Variants in ITGA11 observed in about 807,000 individuals in gnomAD.
ITGA11 encodes the protein integrin alpha-11.
In ITGA11, 97 loss-of-function variants were observed where a neutral mutation model predicts 141.9. The observed-to-expected ratio is 0.68, with a 90% CI of 0.58 to 0.81. The LOEUF (loss-of-function observed/expected upper bound fraction) is 0.81, where lower values mean the gene tolerates loss of function less well. ITGA11 is among the 30% of genes least tolerant of loss of function. The probability of loss-of-function intolerance (pLI) is 0.00; values close to 1 mark genes in which losing one functional copy is unlikely to be tolerated. For missense variants in ITGA11, 1,387 were observed against 1,559.2 expected (o/e 0.89, Z 1.86); for synonymous variants, 658 against 624.6 (o/e 1.05, Z -0.80).
chr15:68,349,235 G>A (rs1894832640), intron 9 of ITGA11, among the ~76,000 whole-genome samples: 1 of 152,226 alleles, frequency 6.6e-6, no homozygotes, highest in African/African-American at 2.4e-5. Flanking sequence ...AAGCAAAAGT[G>A]CACAGAAATA....
chr15:68,428,608 G>A (rs1289687426), intron 1 of ITGA11, among the ~76,000 whole-genome samples: 2 of 152,230 alleles, frequency 1.3e-5, no homozygotes, highest in Non-Finnish European at 2.9e-5. Context: ...GGGCAATGGG[G>A]TGGCAAAGTG....
At chr15:68,332,158 A>C in intron 13 of ITGA11, 96 bp from the exon 14 acceptor site, 1 of 1,260,864 alleles carries the variant, frequency 7.9e-7, no homozygotes, top group Non-Finnish European at 1.1e-6. Context: ...TCCTCTCACC[A>C]CTCCATTCCC....
chr15:68,408,619 G>A (rs1376692826), intron 1 of ITGA11, among the ~76,000 whole-genome samples: 8 of 152,132 alleles, frequency 5.3e-5, no homozygotes, highest in Non-Finnish European at 1.2e-4. Flanking sequence ...CCTGTGGGCT[G>A]GGTGCTCAGG....
Position 68,339,661 on chromosome 15 carries a change from GACAC to G in ITGA11, c.1132-21_1132-18del, listed in dbSNP as rs1894500232. On this transcript the variant is annotated intron_variant, in intron 10 of 29. Coordinates refer to ENST00000315757, the MANE Select transcript of ITGA11 (RefSeq NM_001004439.2). ...AACCCCATCCTGGCATTGGGGAGGGGACACACATCAGCACCTGTCCTCATGGGCC... is the reference window on the plus strand; with the variant it reads ...AACCCCATCCTGGCATTGGGGAGGGGACATCAGCACCTGTCCTCATGGGCC... 1.9e-6 allele frequency: 3 copies of G among 1,613,832 alleles called. No homozygotes were observed. Among genetic ancestry groups the G allele is most frequent in the Non-Finnish European group, 2.5e-6 (3 of 1,179,836 alleles).
rs1179416509 is a variant in ITGA11 at position 68,400,542 on chromosome 15, A to AAT, written c.164+2374_164+2375dup. 2.0e-3 allele frequency among the ~76,000 whole-genome samples: 236 copies of AAT among 118,400 alleles called. 2 individuals are homozygous for AAT. The highest frequency in any genetic ancestry group is 7.1e-3 in the African/African-American group (222 of 31,304). The allele number at this position is 118,400 out of a possible 152,430, so 77.7% of individuals were successfully genotyped here. A position where few individuals can be genotyped will look rare whatever the true frequency, so the allele number is the denominator to read the frequency against. On this transcript the variant is annotated intron_variant, in intron 2 of 29. Transcript: ENST00000315757. ...TATGTCACAAAGGAAGTGTATACAGAATATATATATATAATATATATAATA... is the reference window on the plus strand; with the variant it reads ...TATGTCACAAAGGAAGTGTATACAGAATATATATATATATAATATATATAATA...
At chr15:68,316,908 G>A (rs1466099098) in intron 21 of ITGA11, among the ~76,000 whole-genome samples, 1 of 152,200 alleles carries the variant, frequency 6.6e-6, no homozygotes, top group Non-Finnish European at 1.5e-5. Context: ...CTCACGAAAT[G>A]GTAGTTTCTC....
In ITGA11 at chr15:68,320,343, A is replaced by G. The variant is rs1239180376; in HGVS notation, c.2458T>C (p.Tyr820His). The change falls in exon 20 of 30, where the codon TAC (tyrosine) becomes CAC (histidine). Residue 820 changes from tyrosine (Y) to histidine (H), a missense_variant. Coordinates refer to ENST00000315757, the MANE Select transcript of ITGA11 (RefSeq NM_001004439.2). ...LRKPAQDCSA[Y>H]TLSFDTTVFI... is the part of the protein sequence containing the mutation. ...ACTGTGGTGTCGAAGGACAGCGTGT[A>G]TGCGGAGCAGTCCTGCGCAGGCTTC... 4 of 1,612,046 alleles carry G rather than the reference A, an allele frequency of 2.5e-6. No individual in the cohort carries two copies. The highest frequency in any genetic ancestry group is 2.2e-5 in the East Asian group (1 of 44,834).
Position 68,326,084 on chromosome 15 carries a change from A to C in ITGA11, c.2211+570T>G, listed in dbSNP as rs914605491. 6.6e-6 allele frequency among the ~76,000 whole-genome samples: 1 copy of C among 152,206 alleles called. No individual in the cohort carries two copies. The highest frequency in any genetic ancestry group is 1.5e-5 in the Non-Finnish European group (1 of 68,034). On this transcript the variant is annotated intron_variant, in intron 17 of 29. Transcript: ENST00000315757. This position sits in a 1 kb window ranked among gnomAD's most constrained non-coding sequence, Gnocchi z 6.8. ...CTGCTCACATCTCTGAACTCTGGCCATTGAACTACTGGGACCAGGAGGGCT... is the reference window on the plus strand; with the variant it reads ...CTGCTCACATCTCTGAACTCTGGCCCTTGAACTACTGGGACCAGGAGGGCT...
chr15:68,409,052 A>T (rs995743234), intron 1 of ITGA11, among the ~76,000 whole-genome samples: 6 of 152,240 alleles, frequency 3.9e-5, no homozygotes, highest in African/African-American at 1.4e-4. Flanking sequence ...TACTCAATAC[A>T]TCTTGGTTGA....
chr15:68,406,526 C>T lies in ITGA11; in HGVS notation c.53-3497G>A, dbSNP rs531671120. On this transcript the variant is annotated intron_variant, in intron 1 of 29. Transcript: ENST00000315757. ...AATCTCTGTTTCAATGCCATCTTGT[C>T]CATCACCAGGCCACCAAACACCCCA... Among the ~76,000 whole-genome samples, 96 of 152,314 alleles carry T rather than the reference C, an allele frequency of 6.3e-4. No individual in the cohort carries two copies. In the South Asian group the frequency reaches 0.02, roughly 31 times the overall value.
chr15:68,356,381 G>A (rs1895071441), intron 7 of ITGA11, among the ~76,000 whole-genome samples: 1 of 152,032 alleles, frequency 6.6e-6, no homozygotes, highest in Admixed American at 6.6e-5. Flanking sequence ...TAGGATTACA[G>A]GTGAGAGCCA....
intron 1 of ITGA11, among the ~76,000 whole-genome samples, chr15:68,426,142 T>C (rs931489797): frequency 5.3e-5 from 8 of 152,218 alleles, no homozygotes; most frequent in Non-Finnish European, 8.8e-5. Context: ...ATCTGCTGGC[T>C]GGCCCTGGTG....
chr15:68,368,019 G>A (rs1895480570), intron 3 of ITGA11, among the ~76,000 whole-genome samples: 1 of 152,330 alleles, frequency 6.6e-6, no homozygotes, highest in East Asian at 1.9e-4. Context: ...TCCCACCCAT[G>A]GTGCTGATGC....
At chr15:68,346,573 G>T (rs1187303271) in intron 10 of ITGA11, among the ~76,000 whole-genome samples, 1 of 152,166 alleles carries the variant, frequency 6.6e-6, no homozygotes, top group African/African-American at 2.4e-5. Flanking sequence ...CTCAAAAAAT[G>T]GCTGTGAATG....
chr15:68,319,184 G>A (rs375201646), intron 20 of ITGA11, among the ~76,000 whole-genome samples: 6 of 152,242 alleles, frequency 3.9e-5, no homozygotes, highest in Admixed American at 1.3e-4. Context: ...CCAGCTGTGG[G>A]GTGGGAATTC....
chr15:68,336,521 G>A (rs1318226425), intron 11 of ITGA11, among the ~76,000 whole-genome samples: 1 of 152,110 alleles, frequency 6.6e-6, no homozygotes, highest in East Asian at 1.9e-4. Context: ...GCCAATCCCC[G>A]CTCCCGGTAT....
rs1220962092 is a variant in ITGA11 at position 68,400,862 on chromosome 15, T to TATA, written c.164+2053_164+2055dup. Among the ~76,000 whole-genome samples the TATA allele has an allele frequency of 5.4e-4, 3 of 5,552 alleles. 1 individual carries two copies. Among genetic ancestry groups the TATA allele is most frequent in the African/African-American group, 2.1e-3 (3 of 1,452 alleles). The allele number at this position is 5,552 out of a possible 152,430, so 3.6% of individuals were successfully genotyped here. On this transcript the variant is annotated intron_variant, in intron 2 of 29. Transcript: ENST00000315757. ...ATTATATTATATATTATATAATAAA[T>TATA]ATAATATTATATATTATATAATAAA...
intron 12 of ITGA11, 143 bp from the exon 13 acceptor site, chr15:68,332,621 G>A (rs775496809): frequency 1.0e-5 from 9 of 878,354 alleles, no homozygotes; most frequent in East Asian, 5.4e-5. Flanking sequence ...CTTCTCACGC[G>A]CTACCTCTCT....
intron 7 of ITGA11, among the ~76,000 whole-genome samples, chr15:68,352,810 G>A (rs754122510): frequency 8.6e-5 from 13 of 150,644 alleles, no homozygotes; most frequent in South Asian, 4.2e-4. Flanking sequence ...CACCTCGACC[G>A]TCAATTGGCA....
Sources: gnomAD v4.1 joint callset for allele counts (sites outside exome capture counted in the v4.1 genomes callset) on GRCh38, gnomAD v4.1.1 for gene constraint, Gnocchi (gnomAD v3.1) non-coding constraint, MANE v1.5 for transcripts, NCBI Gene and HGNC (gene_info 2026-07-23, HGNC 2026-07-21) for gene names.